Variants in EFNA5 observed in about 807,000 individuals in gnomAD.
EFNA5 encodes the protein ephrin A5, also known as ephrin-A5.
In EFNA5, 5 loss-of-function variants were observed where a neutral mutation model predicts 22.9. The ratio of observed to expected loss-of-function variants is 0.22; its 90% confidence interval spans 0.11 to 0.46. The LOEUF is 0.46. Among genes scored for constraint, EFNA5 ranks in the 20% least tolerant of loss-of-function variants. The pLI is 0.99. For synonymous variants in EFNA5, 113 were observed against 112.2 expected (o/e 1.01, Z -0.04); for missense variants, 237 against 293.3 (o/e 0.81, Z 1.40).
intron 1 of EFNA5, among the ~76,000 whole-genome samples, chr5:107,647,146 ATATG>A (rs1458856526): frequency 6.6e-6 from 1 of 152,164 alleles, no homozygotes; most frequent in African/African-American, 2.4e-5. Context: ...AAAATGCAGT[ATATG>A]TATGTATTTA....
intron 1 of EFNA5, among the ~76,000 whole-genome samples, chr5:107,480,779 G>A (rs1438947601): frequency 6.6e-6 from 1 of 152,232 alleles, no homozygotes; most frequent in East Asian, 1.9e-4. Context: ...ATGAGGGCTT[G>A]TCCAAAGGCC....
intron 1 of EFNA5, among the ~76,000 whole-genome samples, chr5:107,645,868 T>C (rs914992773): frequency 6.6e-6 from 1 of 152,258 alleles, no homozygotes; most frequent in African/African-American, 2.4e-5. Context: ...GCCAAACTCA[T>C]TTGACCACAT....
chr5:107,427,826 G>A (rs914556360), intron 1 of EFNA5, among the ~76,000 whole-genome samples: 1 of 151,952 alleles, frequency 6.6e-6, no homozygotes, highest in Non-Finnish European at 1.5e-5. Flanking sequence ...CTAGTGTGCT[G>A]TTTTCCATGT....
At chr5:107,597,932 C>A (rs1255033510) in intron 1 of EFNA5, among the ~76,000 whole-genome samples, 2 of 152,056 alleles carry the variant, frequency 1.3e-5, no homozygotes, top group East Asian at 3.8e-4. Context: ...AATGGAGAGA[C>A]CTAATAATTA....
chr5:107,517,102 C>G (rs1050878563), intron 1 of EFNA5, among the ~76,000 whole-genome samples: 1 of 150,468 alleles, frequency 6.6e-6, no homozygotes, highest in African/African-American at 2.4e-5. Context: ...ATTGATTGTA[C>G]ATTTACACCT....
chr5:107,427,763 T>G (rs1748845031), intron 1 of EFNA5, among the ~76,000 whole-genome samples: 1 of 152,180 alleles, frequency 6.6e-6, no homozygotes, highest in African/African-American at 2.4e-5. Context: ...TGCTTTCATT[T>G]TAAATATTAT....
intron 1 of EFNA5, among the ~76,000 whole-genome samples, chr5:107,638,250 C>T (rs971676888): frequency 6.6e-5 from 10 of 152,042 alleles, no homozygotes; most frequent in Admixed American, 2.0e-4. Flanking sequence ...GAAATCTTAT[C>T]AGAGATACAA....
At chr5:107,449,381 AAT>A in intron 1 of EFNA5, among the ~76,000 whole-genome samples, 1 of 152,094 alleles carries the variant, frequency 6.6e-6, no homozygotes, top group East Asian at 1.9e-4. Context: ...AAAAAAAAAA[AAT>A]AAGGATTCTA....
Position 107,379,682 on chromosome 5 carries a change from C to T in EFNA5, c.*1573G>A, listed in dbSNP as rs1229193661. Reference sequence around the variant, plus strand: ...CCCAAGGCTTGCATTTCCTGGTAATCGACTGGAAACGTCCCCTGTTGGCCA... The same window carrying T: ...CCCAAGGCTTGCATTTCCTGGTAATTGACTGGAAACGTCCCCTGTTGGCCA... On this transcript the variant is annotated 3_prime_UTR_variant, in exon 5 of 5. Coordinates refer to ENST00000333274, the MANE Select transcript of EFNA5 (RefSeq NM_001962.3). 2.0e-5 allele frequency: 3 copies of T among 151,828 alleles called. No individual in the cohort carries two copies. The highest frequency in any genetic ancestry group is 7.3e-5 in the African/African-American group (3 of 41,334). The allele number at this position is 151,828 out of a possible 1,614,324, so 9.4% of individuals were successfully genotyped here.
intron 1 of EFNA5, among the ~76,000 whole-genome samples, chr5:107,601,854 C>T (rs1427432763): frequency 6.6e-6 from 1 of 152,154 alleles, no homozygotes; most frequent in Non-Finnish European, 1.5e-5. Context: ...ATGATGATGA[C>T]TCGTTGAGAC....
At position 107,431,303 on chromosome 5, in the gene EFNA5, G is replaced by T. The variant is rs1580447287; in HGVS notation, c.126-3794C>A. 2.0e-5 allele frequency among the ~76,000 whole-genome samples: 3 copies of T among 152,258 alleles called. No individual in the cohort carries two copies. The South Asian group carries it at 6.2e-4, about 32-fold the overall frequency. Reference sequence around the variant, plus strand: ...CAAAGAAAAGTTTAGGATCACATATGCTAATCCTATTAGGTTGGTGCAAAA... The same window carrying T: ...CAAAGAAAAGTTTAGGATCACATATTCTAATCCTATTAGGTTGGTGCAAAA... On this transcript the variant is annotated intron_variant, in intron 1 of 4. Coordinates refer to ENST00000333274, the MANE Select transcript of EFNA5 (RefSeq NM_001962.3).
chr5:107,463,460 C>T (rs1182260772), intron 1 of EFNA5, among the ~76,000 whole-genome samples: 1 of 152,084 alleles, frequency 6.6e-6, no homozygotes, highest in Non-Finnish European at 1.5e-5. Context: ...CAAACTACTA[C>T]ACCTGATATT....
In EFNA5 at chr5:107,498,619, C is replaced by A. The variant is rs183250222; in HGVS notation, c.126-71110G>T. ...TCATGAAGATGCTCCATTTATGAAACACTAGTTCAAAGATAAAATTCAGAA... is the reference window on the plus strand; with the variant it reads ...TCATGAAGATGCTCCATTTATGAAAAACTAGTTCAAAGATAAAATTCAGAA... On this transcript the variant is annotated intron_variant, in intron 1 of 4. Transcript: ENST00000333274. 8.5e-5 allele frequency among the ~76,000 whole-genome samples: 13 copies of A among 152,280 alleles called. No individual in the cohort carries two copies. The East Asian group carries it at 1.5e-3, about 18-fold the overall frequency.
intron 1 of EFNA5, among the ~76,000 whole-genome samples, chr5:107,660,303 T>A (rs1309344589): frequency 9.8e-6 from 1 of 102,510 alleles, no homozygotes; most frequent in Non-Finnish European, 2.0e-5. Flanking sequence ...TATATATATA[T>A]ATATATATAT....
intron 1 of EFNA5, among the ~76,000 whole-genome samples, chr5:107,669,972 C>A (rs1420796865): frequency 6.6e-6 from 1 of 151,278 alleles, no homozygotes; most frequent in Non-Finnish European, 1.5e-5. Context: ...CCCCTCACTT[C>A]CCCCAGCCCG....
intron 2 of EFNA5, among the ~76,000 whole-genome samples, chr5:107,390,683 T>C (rs1747768488): frequency 6.6e-6 from 1 of 151,004 alleles, no homozygotes; most frequent in Non-Finnish European, 1.5e-5. Context: ...AAGTATTTTA[T>C]ACATAAATTA....
At chr5:107,557,029 A>G (rs1222167479) in intron 1 of EFNA5, among the ~76,000 whole-genome samples, 2 of 152,076 alleles carry the variant, frequency 1.3e-5, no homozygotes, top group African/African-American at 4.8e-5. Flanking sequence ...AATACTTAGG[A>G]AGAAATTAAA....
chr5:107,665,967 C>T (rs1751057262), intron 1 of EFNA5, among the ~76,000 whole-genome samples: 1 of 152,102 alleles, frequency 6.6e-6, no homozygotes, highest in Non-Finnish European at 1.5e-5. Context: ...AAATTACTAC[C>T]AATACATCTA....
chr5:107,632,483 T>C (rs1218094765), intron 1 of EFNA5, among the ~76,000 whole-genome samples: 1 of 152,156 alleles, frequency 6.6e-6, no homozygotes, highest in Admixed American at 6.5e-5. Flanking sequence ...CCCCATCTTG[T>C]CAACTATTTA....
Sources: gnomAD v4.1 joint callset for allele counts (sites outside exome capture counted in the v4.1 genomes callset) on GRCh38, gnomAD v4.1.1 for gene constraint, MANE v1.5 for transcripts, NCBI Gene and HGNC (gene_info 2026-07-23, HGNC 2026-07-21) for gene names.